The following MAN1A1 variants were observed in gnomAD, a reference collection of about 807,000 sequenced individuals.
The protein encoded by MAN1A1 is mannosidase alpha class 1A member 1.
Under a neutral mutation model 70.8 loss-of-function variants are expected in MAN1A1, and 29 were observed. The observed-to-expected ratio is 0.41, with a 90% CI of 0.31 to 0.56. The LOEUF (loss-of-function observed/expected upper bound fraction) is 0.56. MAN1A1 is among the 20% of genes least tolerant of loss of function. The pLI is 0.29. For synonymous variants in MAN1A1, 349 were observed against 330.1 expected (o/e 1.06, Z -0.62); for missense variants, 747 against 841.3 (o/e 0.89, Z 1.39).
At chr6:119,208,066 T>G (rs1773931113) in intron 6 of MAN1A1, among the ~76,000 whole-genome samples, 1 of 152,120 alleles carries the variant, frequency 6.6e-6, no homozygotes, top group Non-Finnish European at 1.5e-5. Flanking sequence ...AAGACAGGCA[T>G]GAAAGGAAAA....
intron 8 of MAN1A1, among the ~76,000 whole-genome samples, chr6:119,198,217 C>A (rs140938681): frequency 0.038 from 5,807 of 152,248 alleles, 150 homozygotes; most frequent in Non-Finnish European, 0.06. Flanking sequence ...GGTGAAACCC[C>A]CATCTCTACT....
intron 5 of MAN1A1, among the ~76,000 whole-genome samples, chr6:119,265,025 T>C (rs959155621): frequency 1.3e-5 from 2 of 152,034 alleles, no homozygotes; most frequent in Non-Finnish European, 2.9e-5. Context: ...TCTTATTTTA[T>C]GTACAACTTT....
At chr6:119,230,471 C>A (rs977152742) in intron 6 of MAN1A1, among the ~76,000 whole-genome samples, 1 of 152,168 alleles carries the variant, frequency 6.6e-6, no homozygotes, top group East Asian at 1.9e-4. Flanking sequence ...TTGTCCTGTT[C>A]CTTTTCAATA....
In MAN1A1 at chr6:119,348,842, T is replaced by C; in HGVS notation, c.224A>G (p.His75Arg). The change falls in exon 2 of 13, where the codon CAC (histidine) becomes CGC (arginine). Residue 75 changes from histidine to arginine, a missense_variant. Coordinates refer to ENST00000368468, the MANE Select transcript of MAN1A1 (RefSeq NM_005907.4). ...SSKLLSGVLF[H>R]SSPALQPAAD... ...GGCCGGCTGCAAGGCGGGGCTGGAG[T>C]GGAACAGGACCCCGCTGAGCAGCTT... 1 of 1,497,608 alleles carries C rather than the reference T, an allele frequency of 6.7e-7. No individual in the cohort carries two copies. Among genetic ancestry groups the C allele is most frequent in the Non-Finnish European group, 8.9e-7 (1 of 1,123,612 alleles). 92.8% of individuals were successfully genotyped at this position (1,497,608 alleles called of 1,614,324 possible).
chr6:119,283,567 G>T (rs1292056159), intron 5 of MAN1A1, among the ~76,000 whole-genome samples: 2 of 151,858 alleles, frequency 1.3e-5, no homozygotes, highest in Non-Finnish European at 2.9e-5. Flanking sequence ...GTGGGGAGGG[G>T]GTGTCTTAGT....
Position 119,348,450 on chromosome 6 carries a change from G to A in MAN1A1, c.603+13C>T, listed in dbSNP as rs760624996. ...CGGCCGGTCGGGAGGGATTTCTGGC[G>A]CGGCCCACTCACCTCTTTGATCTTT... is the stretch of plus-strand genomic sequence containing the variant. On this transcript the variant is annotated intron_variant, in intron 2 of 12. Transcript: ENST00000368468. The A allele has an allele frequency of 6.4e-6, 10 of 1,568,266 alleles. No homozygotes were observed. Among genetic ancestry groups the A allele is most frequent in the Non-Finnish European group, 8.7e-6 (10 of 1,153,806 alleles).
chr6:119,180,766 G>A (rs978363603), intron 11 of MAN1A1, among the ~76,000 whole-genome samples: 7 of 148,090 alleles, frequency 4.7e-5, no homozygotes, highest in African/African-American at 1.5e-4. Flanking sequence ...TGCTTGCCTC[G>A]GCCTCCCAAA....
At chr6:119,251,614 T>C (rs768823904) in intron 5 of MAN1A1, among the ~76,000 whole-genome samples, 19 of 152,286 alleles carry the variant, frequency 1.2e-4, no homozygotes, top group Non-Finnish European at 2.6e-4. Context: ...TAAATCAAGA[T>C]ACAGAAGGCA....
intron 5 of MAN1A1, among the ~76,000 whole-genome samples, chr6:119,257,373 A>G (rs1775488240): frequency 6.6e-6 from 1 of 152,196 alleles, no homozygotes; most frequent in Non-Finnish European, 1.5e-5. Context: ...ACACTACTTT[A>G]GTGCCTCCCA....
chr6:119,209,089 T>TAAA (rs1554204277), intron 6 of MAN1A1, among the ~76,000 whole-genome samples: 2 of 79,082 alleles, frequency 2.5e-5, no homozygotes, highest in Non-Finnish European at 5.0e-5. Flanking sequence ...AGACCCCGTC[T>TAAA]CAAAAAAAAA....
intron 6 of MAN1A1, among the ~76,000 whole-genome samples, chr6:119,211,104 A>C (rs1316443226): frequency 6.6e-6 from 1 of 152,224 alleles, no homozygotes; most frequent in African/African-American, 2.4e-5. Flanking sequence ...CATCTCTTAA[A>C]ATTTCCCCTT....
At chr6:119,250,790 C>T (rs1456813497) in intron 5 of MAN1A1, among the ~76,000 whole-genome samples, 2 of 152,134 alleles carry the variant, frequency 1.3e-5, no homozygotes, top group African/African-American at 2.4e-5. Context: ...TTCTCAAATT[C>T]AACCTTCTAT....
Position 119,189,831 on chromosome 6 carries a change from GC to G in MAN1A1, c.1378del (p.Ala460GlnfsTer15). ...RKSSSGLTYI[A>X]EWKGGLLEHK... The stretch of plus-strand genomic sequence containing the variant: ...CTCCAGGAGGCCCCCTTTCCACTCT[GC>G]GATATAAGTTAGTCCGCTGCTAGAC... On this transcript the variant is annotated frameshift_variant, in exon 10 of 13. Coordinates refer to ENST00000368468, the MANE Select transcript of MAN1A1 (RefSeq NM_005907.4). LOFTEE classifies it high-confidence loss of function. 2 of 1,614,048 alleles carry G rather than the reference GC, an allele frequency of 1.2e-6. No individual in the cohort carries two copies. Among genetic ancestry groups the G allele is most frequent in the Non-Finnish European group, 1.7e-6 (2 of 1,180,004 alleles).
chr6:119,283,185 A>G (rs1776266716), intron 5 of MAN1A1, among the ~76,000 whole-genome samples: 1 of 152,212 alleles, frequency 6.6e-6, no homozygotes, highest in African/African-American at 2.4e-5. Context: ...TCACCTTACT[A>G]CATTACATTT....
chr6:119,331,572 T>C (rs1187592040), intron 2 of MAN1A1, among the ~76,000 whole-genome samples: 6 of 73,378 alleles, frequency 8.2e-5, no homozygotes, highest in African/African-American at 1.9e-4. Context: ...ATATTATGCA[T>C]ATATATATAT....
Position 119,188,519 on chromosome 6 carries a change from T to C in MAN1A1, c.1605A>G (p.Thr535=). ...RFDGGVEAIA[T]RQNEKYYILR... ...AGATGTAGTATTTTTCATTTTGTCT[T>C]GTAGCGATGGCTTCAACACCACCAT... The change falls in exon 11 of 13, where the codon ACA becomes ACG. Residue 535 remains threonine, a synonymous_variant. Transcript: ENST00000368468. The C allele has an allele frequency of 6.2e-7, 1 of 1,614,084 alleles. No homozygotes were observed. The highest frequency in any genetic ancestry group is 1.1e-5 in the South Asian group (1 of 91,076).
chr6:119,265,867 G>T (rs542290113), intron 5 of MAN1A1, among the ~76,000 whole-genome samples: 4 of 152,216 alleles, frequency 2.6e-5, no homozygotes, highest in African/African-American at 9.6e-5. Context: ...TTTCTATGCA[G>T]AAAATCTGAA....
chr6:119,194,955 C>T (rs1191501349), intron 8 of MAN1A1, among the ~76,000 whole-genome samples: 3 of 152,050 alleles, frequency 2.0e-5, no homozygotes, highest in Non-Finnish European at 4.4e-5. Flanking sequence ...GCCTCAGCCT[C>T]CCGAGTAGCT....
upstream of MAN1A1, chr6:119,349,808 C>A (rs1023994454): frequency 1.0e-5 from 10 of 960,250 alleles, no homozygotes; most frequent in Non-Finnish European, 1.2e-5. Context: ...GGAGGCGACG[C>A]GGCCGGAGAG....
Sources: allele counts gnomAD v4.1 joint callset (sites outside exome capture counted in the v4.1 genomes callset), GRCh38; gene constraint gnomAD v4.1.1; transcripts MANE v1.5; gene names NCBI Gene and HGNC (gene_info 2026-07-23, HGNC 2026-07-21).